Variants in ZNF814 observed in about 807,000 individuals in gnomAD.
The protein encoded by ZNF814 is zinc finger protein 814.
A neutral mutation model predicts 7.5 loss-of-function variants in ZNF814; 5 were observed. The ratio of observed to expected loss-of-function variants is 0.67; its 90% CI spans 0.35 to 1.40. The LOEUF (loss-of-function observed/expected upper bound fraction) is 1.40, where lower values mean the gene tolerates loss of function less well. ZNF814 is among the 40% of genes most tolerant of loss of function. ZNF814 has a pLI of 0.04. For synonymous variants in ZNF814, 315 were observed against 340.7 expected, an observed-to-expected ratio of 0.92 and a Z score of 0.83; for missense variants, 962 against 1,018.0, an observed-to-expected ratio of 0.94 and a Z score of 0.75.
chr19:57,886,930 G>A (rs573616436), intron 1 of ZNF814, among the ~76,000 whole-genome samples: 1 of 152,186 alleles, frequency 6.6e-6, no homozygotes, highest in Admixed American at 6.5e-5. Flanking sequence ...GCTTATGCCT[G>A]TAATCCTAGC....
chr19:57,903,982 G>A, the ZNF814 span, among the ~76,000 whole-genome samples: 8 of 152,168 alleles, frequency 5.3e-5, no homozygotes, highest in Non-Finnish European at 7.4e-5. Context: ...GTGCCAAAGG[G>A]TGGAAGGCTG....
At chr19:57,876,727 G>A (rs887569868) in intron 2 of ZNF814, 189 bp downstream of exon 2, 3 of 909,858 alleles carry the variant, frequency 3.3e-6, no homozygotes, top group Non-Finnish European at 4.8e-6. Context: ...AGTAAAGCAG[G>A]TGTTGGGGCT....
At chr19:57,898,939 CAAAAA>C in the ZNF814 span, among the ~76,000 whole-genome samples, 2 of 91,988 alleles carry the variant, frequency 2.2e-5, no homozygotes, top group Non-Finnish European at 2.3e-5. Context: ...GACTCTGTCT[CAAAAA>C]AAAAAAAAAA....
intron 1 of ZNF814, among the ~76,000 whole-genome samples, chr19:57,885,091 G>A (rs2071678909): frequency 6.6e-6 from 1 of 152,130 alleles, no homozygotes; most frequent in Admixed American, 6.6e-5. Flanking sequence ...GGAGGACGAG[G>A]CCGGTGGATC....
the ZNF814 span, among the ~76,000 whole-genome samples, chr19:57,895,523 G>A: frequency 2.0e-5 from 3 of 151,978 alleles, no homozygotes; most frequent in East Asian, 1.9e-4. Context: ...CAATCCGCCC[G>A]CCTCGGCCTC....
At chr19:57,877,720 C>T (rs1416870716) in intron 1 of ZNF814, among the ~76,000 whole-genome samples, 1 of 152,304 alleles carries the variant, frequency 6.6e-6, no homozygotes, top group South Asian at 2.1e-4. Flanking sequence ...AAACTACAGG[C>T]ATGAGGCACC....
At chr19:57,894,703 G>A in the ZNF814 span, among the ~76,000 whole-genome samples, 3 of 151,480 alleles carry the variant, frequency 2.0e-5, no homozygotes, top group Non-Finnish European at 2.9e-5. Context: ...GCGTGGTGGC[G>A]GGTGCCTGTA....
rs768263220 is a variant in ZNF814, at chr19:57,873,940, G to A, written c.1450C>T (p.Arg484Ter). 2.2e-5 allele frequency: 36 copies of A among 1,612,844 alleles called. No individual in the cohort carries two copies. The highest frequency in any genetic ancestry group is 1.1e-4 in the African/African-American group (8 of 74,482). Residue 484 changes from arginine to a stop codon, truncating the protein, a stop_gained, in exon 3 of 3, where the codon CGA becomes TGA. Transcript: ENST00000435989. LOFTEE classifies it low-confidence loss of function (END_TRUNC). ...SHKRSLVHHQ[R>*]VHSGERPYQC... ...TAAGGTCTTTCTCCACTGTGAACTC[G>A]CTGATGGTGAACAAGGCTGCGCTTA... is the stretch of plus-strand genomic sequence containing the variant.
chr19:57,883,284 AG>A (rs1007311064), intron 1 of ZNF814, among the ~76,000 whole-genome samples: 2 of 149,004 alleles, frequency 1.3e-5, no homozygotes, highest in African/African-American at 5.0e-5. Context: ...CATGAACCCC[AG>A]GGGGGCAGAG....
the ZNF814 span, among the ~76,000 whole-genome samples, chr19:57,902,880 C>G: frequency 2.6e-5 from 4 of 151,814 alleles, no homozygotes; most frequent in African/African-American, 9.7e-5. Flanking sequence ...GGAGTTTCAC[C>G]GTGTTAGCCA....
At chr19:57,894,082 CG>C in the ZNF814 span, among the ~76,000 whole-genome samples, 3 of 133,644 alleles carry the variant, frequency 2.2e-5, no homozygotes, top group Admixed American at 1.5e-4. Flanking sequence ...GACTCTGTCT[CG>C]AAAAAAAAAA....
At chr19:57,894,364 CAA>C in the ZNF814 span, among the ~76,000 whole-genome samples, 10 of 102,428 alleles carry the variant, frequency 9.8e-5, no homozygotes, top group Non-Finnish European at 1.4e-4. Context: ...GACTCCATCT[CAA>C]AAAAAAAAAA....
chr19:57,875,959 T>TCA, intron 2 of ZNF814, among the ~76,000 whole-genome samples: 1 of 116,408 alleles, frequency 8.6e-6, no homozygotes, highest in Admixed American at 8.7e-5. Flanking sequence ...TTTTTTTTTT[T>TCA]TTTTTTTTTT....
intron 1 of ZNF814, 89 bp downstream of exon 1, chr19:57,888,678 G>C: frequency 6.7e-7 from 1 of 1,496,978 alleles, no homozygotes; most frequent in Non-Finnish European, 9.1e-7. Flanking sequence ...GCCGGCGTCC[G>C]GGCTGCAGAG....
intron 1 of ZNF814, among the ~76,000 whole-genome samples, chr19:57,883,876 G>C (rs2071668502): frequency 6.6e-6 from 1 of 151,782 alleles, no homozygotes; most frequent in African/African-American, 2.4e-5. Flanking sequence ...TCCTGCCTCA[G>C]CTTCCGAGTA....
In ZNF814 at chr19:57,872,404, CAT is replaced by C. The variant is rs1236820062; in HGVS notation, c.*416_*417del. ...GCTAGATTTCTACATAAATATCTCA[CAT>C]GTCACACTGGTAAGGCCCTGATCCA... On this transcript the variant is annotated 3_prime_UTR_variant, in exon 3 of 3. Coordinates refer to ENST00000435989, the MANE Select transcript of ZNF814 (RefSeq NM_001144989.2). The C allele has an allele frequency of 3.4e-5, 8 of 237,364 alleles. 1 individual carries two copies. The South Asian group carries it at 3.4e-4, about 10-fold the overall frequency. 14.7% of individuals were successfully genotyped at this position (237,364 alleles called of 1,614,324 possible).
At chr19:57,902,873 G>C in the ZNF814 span, among the ~76,000 whole-genome samples, 1 of 151,808 alleles carries the variant, frequency 6.6e-6, no homozygotes, top group Non-Finnish European at 1.5e-5. Context: ...TAGAGACGGA[G>C]TTTCACCGTG....
rs2071576511 is a variant in ZNF814 at position 57,873,632 on chromosome 19, A to C, written c.1758T>G (p.Ser586Arg). 3 of 1,613,930 alleles carry C rather than the reference A, an allele frequency of 1.9e-6. No individual in the cohort carries two copies. Among genetic ancestry groups the C allele is most frequent in the Middle Eastern group, 1.6e-4 (1 of 6,062 alleles). ...YGCGECGKSFSSIGHLRSHQR... is the reference protein window; with the variant it reads ...YGCGECGKSFRSIGHLRSHQR... ...GATGGCTCCTAAGGTGCCCGATTGA[A>C]CTAAAAGATTTCCCACATTCTCCAC... The change falls in exon 3 of 3, where the codon AGT becomes AGG. Residue 586 changes from serine (S) to arginine (R), a missense_variant. Physicochemically the swap from Ser to Arg is moderately radical, Grantham distance 110. Coordinates refer to ENST00000435989, the MANE Select transcript of ZNF814 (RefSeq NM_001144989.2).
intron 1 of ZNF814, among the ~76,000 whole-genome samples, chr19:57,878,330 C>CTCA (rs1185773866): frequency 1.3e-5 from 2 of 151,956 alleles, no homozygotes; most frequent in African/African-American, 4.8e-5. Flanking sequence ...GCCTGATTCC[C>CTCA]TCAGGAGGAT....
Sources: allele counts gnomAD v4.1 joint callset (sites outside exome capture counted in the v4.1 genomes callset), GRCh38; gene constraint gnomAD v4.1.1; transcripts MANE v1.5; gene names NCBI Gene and HGNC (gene_info 2026-07-23, HGNC 2026-07-21).